TET3: variants seen among roughly 807,000 people sequenced by gnomAD.
TET3 encodes the protein methylcytosine dioxygenase TET3.
A neutral mutation model predicts 141.4 loss-of-function variants in TET3; 19 were observed. That is an observed-to-expected ratio of 0.13 (90% CI 0.09 to 0.20). The LOEUF is 0.20. TET3 is among the 10% of genes least tolerant of loss of function. The pLI is 1.00. For synonymous variants in TET3, 1,043 were observed against 980.9 expected (o/e 1.06, Z -1.18); for missense variants, 1,874 against 2,356.9 (o/e 0.80, Z 4.24).
intron 3 of TET3, among the ~76,000 whole-genome samples, chr2:74,015,318 G>A (rs1205692040): frequency 6.6e-6 from 1 of 152,158 alleles, no homozygotes; most frequent in African/African-American, 2.4e-5. Flanking sequence ...AATTTTAAAT[G>A]AGAATAATGT....
intron 5 of TET3, among the ~76,000 whole-genome samples, chr2:74,079,946 A>G (rs187267465): frequency 6.6e-6 from 1 of 152,312 alleles, no homozygotes; most frequent in Non-Finnish European, 1.5e-5. Flanking sequence ...TGACGTGTGC[A>G]GGAACCAGAT....
chr2:74,047,470 C>T lies in TET3; in HGVS notation c.1553C>T (p.Pro518Leu), dbSNP rs765086084. The change falls in exon 4 of 12, where the codon CCC becomes CTC. Residue 518 changes from proline (P) to leucine (L), a missense_variant. This residue lies in a region of TET3 where 484 missense variants were observed against 462.2 expected (regional missense o/e 1.05). Transcript: ENST00000409262. The stretch of plus-strand genomic sequence containing the variant: ...GAGGCTCCCACGCCATCCTCGGAGC[C>T]CGACACCCACCAGAAGGCCCAGACC... ...QREAPTPSSE[P>L]DTHQKAQTAL... The T allele has an allele frequency of 9.9e-6, 16 of 1,612,532 alleles. No individual in the cohort carries two copies. The East Asian group carries it at 3.1e-4, about 31-fold the overall frequency.
At chr2:74,131,496 TCCTCTCTCAGGTTACTGG>T in the TET3 span, among the ~76,000 whole-genome samples, 5 of 151,924 alleles carry the variant, frequency 3.3e-5, no homozygotes, top group Non-Finnish European at 7.4e-5. Flanking sequence ...CAGCCTCAGG[TCCTCTCTCAGGTTACTGG>T]CCACCCTGTC....
At chr2:74,015,654 T>C (rs1436560342) in intron 3 of TET3, among the ~76,000 whole-genome samples, 2 of 152,222 alleles carry the variant, frequency 1.3e-5, no homozygotes, top group Non-Finnish European at 2.9e-5. Context: ...AGTTCTAATT[T>C]TTTTGCAATT....
chr2:74,049,416 A>G (rs2103713993), intron 4 of TET3, among the ~76,000 whole-genome samples: 1 of 152,230 alleles, frequency 6.6e-6, no homozygotes, highest in South Asian at 2.1e-4. Flanking sequence ...GAATGAGAGT[A>G]GGGTGCAGGG....
Position 74,105,047 on chromosome 2 carries a change from C to G in TET3, c.*2871C>G, listed in dbSNP as rs192453190. The G allele has an allele frequency of 8.1e-4, 322 of 397,790 alleles. 1 individual carries two copies. The highest frequency in any genetic ancestry group is 6.0e-3 in the African/African-American group (292 of 48,746). 24.6% of individuals were successfully genotyped at this position (397,790 alleles called of 1,614,324 possible). On this transcript the variant is annotated 3_prime_UTR_variant, in exon 12 of 12. Transcript: ENST00000409262. Reference sequence around the variant, plus strand: ...TAACTATGCACAGCTCTTTATCCCCCCCTTGCTGCTGAAGCTTTCTTAAAG... The same window carrying G: ...TAACTATGCACAGCTCTTTATCCCCGCCTTGCTGCTGAAGCTTTCTTAAAG...
At position 74,093,383 on chromosome 2, in the gene TET3, A is replaced by C. The variant is rs1446112513; in HGVS notation, c.3130-146A>C. On this transcript the variant is annotated intron_variant, in intron 9 of 11. Transcript: ENST00000409262. The surrounding 1 kb of genome is among the most constrained non-coding windows in gnomAD (Gnocchi z 4.2). ...AACTTTTTTGTAGCTGGGGCCTCTC[A>C]GCCAGAAAACCTCCCTCCTGCAGTC... 1 of 1,145,494 alleles carries C rather than the reference A, an allele frequency of 8.7e-7. No individual in the cohort carries two copies. Among genetic ancestry groups the C allele is most frequent in the Non-Finnish European group, 1.2e-6 (1 of 844,240 alleles). 71.0% of individuals were successfully genotyped at this position (1,145,494 alleles called of 1,614,324 possible).
At chr2:74,050,832 G>A (rs1312436878) in intron 4 of TET3, among the ~76,000 whole-genome samples, 4 of 151,606 alleles carry the variant, frequency 2.6e-5, no homozygotes, top group African/African-American at 7.3e-5. Context: ...GATTATAGTC[G>A]TGAACCACTG....
intron 4 of TET3, among the ~76,000 whole-genome samples, chr2:74,062,447 C>A (rs1688646520): frequency 6.6e-6 from 1 of 152,140 alleles, no homozygotes; most frequent in Non-Finnish European, 1.5e-5. Flanking sequence ...TTAAACTCTA[C>A]TTAAGATATA....
chr2:74,027,101 C>T (rs751274447), intron 3 of TET3, among the ~76,000 whole-genome samples: 1 of 152,154 alleles, frequency 6.6e-6, no homozygotes, highest in Non-Finnish European at 1.5e-5. Flanking sequence ...TGCTGATGAA[C>T]GAGTTGCAGA....
chr2:74,132,316 C>T, the TET3 span, among the ~76,000 whole-genome samples: 1 of 152,156 alleles, frequency 6.6e-6, no homozygotes, highest in African/African-American at 2.4e-5. Context: ...GCTCTTACAA[C>T]GCGTTAGGCC....
chr2:74,003,563 G>GA (rs1320947409), intron 3 of TET3, among the ~76,000 whole-genome samples: 4 of 146,852 alleles, frequency 2.7e-5, no homozygotes, highest in Admixed American at 6.8e-5. Flanking sequence ...GCGGGGAGGG[G>GA]GGGTGGGGGG....
chr2:74,042,005 A>C (rs72907124), intron 3 of TET3, among the ~76,000 whole-genome samples: 11,567 of 152,260 alleles, frequency 0.076, 1,486 homozygotes, highest in African/African-American at 0.26. Context: ...CTTATTTATT[A>C]AGTGAGCCTT....
At chr2:74,075,466 C>G (rs1054488960) in intron 5 of TET3, among the ~76,000 whole-genome samples, 4 of 151,166 alleles carry the variant, frequency 2.6e-5, no homozygotes, top group African/African-American at 9.7e-5. Context: ...GTACCTGAGA[C>G]TACAGGTACA....
intron 5 of TET3, among the ~76,000 whole-genome samples, chr2:74,079,671 G>C (rs1033021433): frequency 6.6e-6 from 1 of 152,166 alleles, no homozygotes; most frequent in Non-Finnish European, 1.5e-5. Flanking sequence ...TTACAGATGA[G>C]AAAACTGAGG....
At chr2:74,119,065 C>T in the TET3 span, among the ~76,000 whole-genome samples, 5,500 of 152,180 alleles carry the variant, frequency 0.036, 327 homozygotes, top group African/African-American at 0.12. Flanking sequence ...CACAATATTG[C>T]CAACTTTTGG....
intron 4 of TET3, among the ~76,000 whole-genome samples, chr2:74,057,826 C>T (rs1307395556): frequency 6.6e-6 from 1 of 152,018 alleles, no homozygotes; most frequent in Non-Finnish European, 1.5e-5. Flanking sequence ...AACATGGTAG[C>T]CATTCAAATT....
intron 3 of TET3, among the ~76,000 whole-genome samples, chr2:74,027,708 A>T (rs1410273072): frequency 6.6e-6 from 1 of 152,178 alleles, no homozygotes; most frequent in Non-Finnish European, 1.5e-5. Flanking sequence ...ATTCCTTTTC[A>T]TGACTGCATA....
chr2:74,122,577 G>A, the TET3 span: 13 of 127,646 alleles, frequency 1.0e-4, no homozygotes, highest in East Asian at 1.6e-3. Context: ...GCAGTGGCTC[G>A]ATCATGGCTT....
Sources: allele counts gnomAD v4.1 joint callset (sites outside exome capture counted in the v4.1 genomes callset), GRCh38; gene constraint gnomAD v4.1.1; regional missense constraint gnomAD v4.1.1; non-coding constraint Gnocchi (gnomAD v3.1); transcripts MANE v1.5; gene names NCBI Gene and HGNC (gene_info 2026-07-23, HGNC 2026-07-21).